The following MEGF11 variants were observed in gnomAD, a reference collection of about 807,000 sequenced individuals.
MEGF11 encodes multiple epidermal growth factor-like domains protein 11.
Under a neutral mutation model 146.6 loss-of-function variants are expected in MEGF11, and 126 were observed. The observed-to-expected ratio is 0.86, with a 90% CI of 0.74 to 1.00. The LOEUF (loss-of-function observed/expected upper bound fraction) is 1.00, where lower values mean the gene tolerates loss of function less well. MEGF11 is among the 50% of genes least tolerant of loss of function. The pLI is 0.00. For missense variants in MEGF11, 1,509 were observed against 1,521.2 expected (o/e 0.99, Z 0.13); for synonymous variants, 532 against 583.4 (o/e 0.91, Z 1.27).
chr15:66,028,422 A>C (rs1379469744), intron 5 of MEGF11, among the ~76,000 whole-genome samples: 1 of 152,234 alleles, frequency 6.6e-6, no homozygotes, highest in African/African-American at 2.4e-5. Flanking sequence ...AAACTGGTAC[A>C]CACATTACTG....
chr15:66,012,481 C>T (rs2082739893), intron 5 of MEGF11, among the ~76,000 whole-genome samples: 2 of 152,204 alleles, frequency 1.3e-5, no homozygotes, highest in Admixed American at 1.3e-4. Flanking sequence ...CATGCAATGT[C>T]AAAGCAGCCC....
chr15:66,081,637 C>T (rs113129367), intron 5 of MEGF11, among the ~76,000 whole-genome samples: 113 of 152,268 alleles, frequency 7.4e-4, no homozygotes, highest in African/African-American at 2.5e-3. Context: ...CCTCAGCCTT[C>T]CAAAGTGCTG....
At chr15:66,027,656 T>C (rs1438717994) in intron 5 of MEGF11, among the ~76,000 whole-genome samples, 1 of 152,154 alleles carries the variant, frequency 6.6e-6, no homozygotes, top group Non-Finnish European at 1.5e-5. Context: ...GGCCCCTCCC[T>C]TGATGATTCA....
At chr15:65,905,883 G>C (rs1280357356) in intron 24 of MEGF11, 1 of 436,584 alleles carries the variant, frequency 2.3e-6, no homozygotes, top group Non-Finnish European at 4.0e-6. Context: ...AACTGAAATC[G>C]AAAGATGAAT....
intron 4 of MEGF11, among the ~76,000 whole-genome samples, chr15:66,108,119 G>C (rs985931343): frequency 1.3e-5 from 2 of 152,242 alleles, no homozygotes; most frequent in Non-Finnish European, 2.9e-5. Context: ...AGAATGTGGA[G>C]AACTCAGGCA....
At chr15:66,100,920 G>C (rs1308531638) in intron 4 of MEGF11, among the ~76,000 whole-genome samples, 1 of 149,060 alleles carries the variant, frequency 6.7e-6, no homozygotes, top group Non-Finnish European at 1.5e-5. Flanking sequence ...GAGTGAGTGG[G>C]TAGGTAGGTG....
intron 5 of MEGF11, among the ~76,000 whole-genome samples, chr15:66,062,989 G>C (rs1422742788): frequency 1.3e-5 from 2 of 152,228 alleles, no homozygotes; most frequent in African/African-American, 4.8e-5. Context: ...ATGGAAAAGA[G>C]TGTTTTCAGA....
intron 4 of MEGF11, among the ~76,000 whole-genome samples, chr15:66,108,961 C>T (rs1189154200): frequency 6.6e-6 from 1 of 152,162 alleles, no homozygotes; most frequent in African/African-American, 2.4e-5. Context: ...GGCTTCCCTT[C>T]AGAGGCCGCC....
chr15:66,119,464 A>G (rs1022499610), intron 3 of MEGF11, among the ~76,000 whole-genome samples: 6 of 152,180 alleles, frequency 3.9e-5, no homozygotes, highest in African/African-American at 1.4e-4. Flanking sequence ...CTGGAGTGAC[A>G]TTGTGGAGGG....
intron 2 of MEGF11, among the ~76,000 whole-genome samples, chr15:66,128,059 A>C (rs891479429): frequency 6.6e-6 from 1 of 152,232 alleles, no homozygotes; most frequent in Admixed American, 6.5e-5. Flanking sequence ...ATGGCTGGGA[A>C]GTGCTAGTGC....
chr15:65,937,722 A>G (rs1240235209), intron 10 of MEGF11, among the ~76,000 whole-genome samples: 1 of 152,250 alleles, frequency 6.6e-6, no homozygotes, highest in Non-Finnish European at 1.5e-5. Context: ...AGATATTCCT[A>G]TGATGTCACC....
intron 22 of MEGF11, among the ~76,000 whole-genome samples, chr15:65,909,485 C>T (rs368222813): frequency 1.3e-5 from 2 of 152,088 alleles, no homozygotes; most frequent in East Asian, 1.9e-4. Flanking sequence ...GTGTCTTTTG[C>T]TTCCATCTGG....
chr15:65,943,685 G>A (rs1323597100), intron 10 of MEGF11, among the ~76,000 whole-genome samples: 3 of 152,168 alleles, frequency 2.0e-5, no homozygotes, highest in Non-Finnish European at 4.4e-5. Flanking sequence ...GTATGTGTGT[G>A]TGATATGTAT....
intron 24 of MEGF11, among the ~76,000 whole-genome samples, chr15:65,901,514 C>T (rs755825263): frequency 6.6e-6 from 1 of 151,806 alleles, no homozygotes; most frequent in Non-Finnish European, 1.5e-5. Flanking sequence ...AGTTGAACCC[C>T]TATTGTCTCT....
rs2081664863 is a variant in MEGF11 at position 65,982,191 on chromosome 15, AG to A, written c.641+50del. ...TACCCTCCCCACCCAGGCACCCTCCAGGTCCCGCCCCTCCAGGTCCCGCCCC... is the reference window on the plus strand; with the variant it reads ...TACCCTCCCCACCCAGGCACCCTCCAGTCCCGCCCCTCCAGGTCCCGCCCC... On this transcript the variant is annotated intron_variant, in intron 6 of 25. Coordinates refer to ENST00000395614, the MANE Select transcript of MEGF11 (RefSeq NM_001385028.1). This position sits in a 1 kb window ranked among gnomAD's most constrained non-coding sequence, Gnocchi z 5.6. 9.7e-7 allele frequency: 1 copy of A among 1,031,152 alleles called. No homozygotes were observed. Among genetic ancestry groups the A allele is most frequent in the Admixed American group, 4.3e-5 (1 of 23,322 alleles). The allele number at this position is 1,031,152 out of a possible 1,614,324, so 63.9% of individuals were successfully genotyped here. A position where few individuals can be genotyped will look rare whatever the true frequency, so the allele number is the denominator to read the frequency against.
chr15:65,982,329 C>T lies in MEGF11; in HGVS notation c.554G>A (p.Cys185Tyr). ...LCAPGTHGKGCQLPCQCRHGA... is the reference protein window; with the variant it reads ...LCAPGTHGKGYQLPCQCRHGA... ...GTGTCGGCACTGGCACGGCAGCTGG[C>T]ATCCCTTGCCGTGGGTGCCAGGTGC... The change falls in exon 6 of 26, where the codon TGC (cysteine) becomes TAC (tyrosine). Residue 185 changes from cysteine to tyrosine, a missense_variant. Physicochemically the swap from Cys to Tyr is radical, Grantham distance 194 (BLOSUM62 -2). Transcript: ENST00000395614. This position sits in a 1 kb window ranked among gnomAD's most constrained non-coding sequence, Gnocchi z 5.6. The T allele has an allele frequency of 2.0e-6, 3 of 1,531,278 alleles. No individual in the cohort carries two copies. Among genetic ancestry groups the T allele is most frequent in the Non-Finnish European group, 2.6e-6 (3 of 1,140,022 alleles). The allele number at this position is 1,531,278 out of a possible 1,614,324, so 94.9% of individuals were successfully genotyped here. A position where few individuals can be genotyped will look rare whatever the true frequency, so the allele number is the denominator to read the frequency against.
chr15:65,915,330 C>A lies in MEGF11; in HGVS notation c.2473+140G>T. 4 of 1,164,776 alleles carry A rather than the reference C, an allele frequency of 3.4e-6. No homozygotes were observed. In the South Asian group the frequency reaches 6.4e-5, roughly 19 times the overall value. 72.2% of individuals were successfully genotyped at this position (1,164,776 alleles called of 1,614,324 possible). A position where few individuals can be genotyped will look rare whatever the true frequency, so the allele number is the denominator to read the frequency against. ...GCCTCTTCAGCACTTGGAGCCTCTG[C>A]AGCCCACCCTATTCCTGCTGTCCTC... is the stretch of plus-strand genomic sequence containing the variant. On this transcript the variant is annotated intron_variant, in intron 19 of 25. Transcript: ENST00000395614.
At chr15:66,038,798 A>G (rs2083829842) in intron 5 of MEGF11, among the ~76,000 whole-genome samples, 1 of 152,210 alleles carries the variant, frequency 6.6e-6, no homozygotes, top group African/African-American at 2.4e-5. Context: ...AATTGAGCCA[A>G]GTTCACAAAT....
At chr15:66,033,197 G>A (rs2083598887) in intron 5 of MEGF11, among the ~76,000 whole-genome samples, 1 of 152,034 alleles carries the variant, frequency 6.6e-6, no homozygotes, top group Non-Finnish European at 1.5e-5. Flanking sequence ...GTGTGGCCAA[G>A]AGATTGTTTG....
Sources: allele counts gnomAD v4.1 joint callset (sites outside exome capture counted in the v4.1 genomes callset), GRCh38; gene constraint gnomAD v4.1.1; non-coding constraint Gnocchi (gnomAD v3.1); transcripts MANE v1.5; gene names NCBI Gene and HGNC (gene_info 2026-07-23, HGNC 2026-07-21).